MGAT4C: variants seen among roughly 807,000 people sequenced by gnomAD.
MGAT4C encodes alpha-1,3-mannosyl-glycoprotein 4-beta-N-acetylglucosaminyltransferase C.
In MGAT4C, 19 loss-of-function variants were observed where a neutral mutation model predicts 40.1. That is an observed-to-expected ratio of 0.47 (90% CI 0.33 to 0.70). The LOEUF (loss-of-function observed/expected upper bound fraction) is 0.70, where lower values mean the gene tolerates loss of function less well. MGAT4C is among the 30% of genes least tolerant of loss of function. The pLI, the probability that MGAT4C is intolerant of heterozygous loss-of-function variation, is 0.02. For missense variants in MGAT4C, 491 were observed against 563.2 expected (o/e 0.87, Z 1.30); for synonymous variants, 181 against 187.1 (o/e 0.97, Z 0.27).
chr12:86,020,570 T>C (rs1191021604), intron 2 of MGAT4C, among the ~76,000 whole-genome samples: 1 of 152,184 alleles, frequency 6.6e-6, no homozygotes, highest in African/African-American at 2.4e-5. Context: ...CCTTACACTT[T>C]ACACAAACAT....
chr12:86,765,741 C>A (rs917233830), intron 1 of MGAT4C, among the ~76,000 whole-genome samples: 1 of 152,098 alleles, frequency 6.6e-6, no homozygotes, highest in African/African-American at 2.4e-5. Context: ...AATATTCAAC[C>A]CAGAATTTCA....
intron 1 of MGAT4C, among the ~76,000 whole-genome samples, chr12:86,791,357 T>C (rs370882725): frequency 1.3e-5 from 2 of 151,986 alleles, no homozygotes; most frequent in East Asian, 1.9e-4. Context: ...CCAGATATCA[T>C]ACAGGTTTGG....
chr12:86,080,463 C>A (rs925214564), intron 1 of MGAT4C, among the ~76,000 whole-genome samples: 2 of 152,068 alleles, frequency 1.3e-5, no homozygotes, highest in Non-Finnish European at 2.9e-5. Context: ...TCAAATAGAG[C>A]ATTTAAGAAA....
At chr12:86,631,651 G>C (rs531150359) in intron 2 of MGAT4C, among the ~76,000 whole-genome samples, 2 of 152,026 alleles carry the variant, frequency 1.3e-5, no homozygotes, top group East Asian at 3.9e-4. Context: ...ACAAGAAATG[G>C]GGAAAGGATT....
In MGAT4C at chr12:86,602,650, T is replaced by C. The variant is rs914358970; in HGVS notation, c.-229+124559A>G. 4.6e-5 allele frequency among the ~76,000 whole-genome samples: 7 copies of C among 152,312 alleles called. 1 individual carries two copies. The highest frequency in any genetic ancestry group is 4.1e-4 in the South Asian group (2 of 4,828). Reference sequence around the variant, plus strand: ...AAAAGTTATTTAAACTCTGCAGGAATTACTTTTTTAAATGTTTTCTGAACC... The same window carrying C: ...AAAAGTTATTTAAACTCTGCAGGAACTACTTTTTTAAATGTTTTCTGAACC... On this transcript the variant is annotated intron_variant, in intron 2 of 7. Coordinates refer to the MGAT4C transcript ENST00000548651.
At chr12:86,507,957 T>C (rs1187688274) in intron 2 of MGAT4C, among the ~76,000 whole-genome samples, 2 of 152,144 alleles carry the variant, frequency 1.3e-5, no homozygotes, top group Non-Finnish European at 2.9e-5. Flanking sequence ...GTCATTGACA[T>C]TGTGATAGAG....
intron 3 of MGAT4C, among the ~76,000 whole-genome samples, chr12:86,419,075 A>G (rs1956775198): frequency 2.0e-5 from 3 of 152,152 alleles, no homozygotes; most frequent in Admixed American, 1.3e-4. Context: ...AATTTCATCT[A>G]TATAGTGTGT....
intron 3 of MGAT4C, among the ~76,000 whole-genome samples, chr12:86,342,223 G>T (rs986301973): frequency 6.6e-6 from 1 of 152,154 alleles, no homozygotes; most frequent in African/African-American, 2.4e-5. Flanking sequence ...GAAAATCTGA[G>T]GTGACTAGGG....
In MGAT4C at chr12:86,449,962, A is replaced by T. The variant is rs1417986388; in HGVS notation, c.-228-14697T>A. Among the ~76,000 whole-genome samples, 3 of 152,300 alleles carry T rather than the reference A, an allele frequency of 2.0e-5. No homozygotes were observed. The East Asian group carries it at 5.8e-4, about 29-fold the overall frequency. On this transcript the variant is annotated intron_variant, in intron 2 of 7. Coordinates refer to the MGAT4C transcript ENST00000548651. Reference sequence around the variant, plus strand: ...TAGATGGAAATGGTGATTATACAACATTAAGAATGTGTTGGATATCACTGA... The same window carrying T: ...TAGATGGAAATGGTGATTATACAACTTTAAGAATGTGTTGGATATCACTGA...
At chr12:86,019,729 A>C (rs889520837) in intron 2 of MGAT4C, among the ~76,000 whole-genome samples, 1 of 152,150 alleles carries the variant, frequency 6.6e-6, no homozygotes, top group African/African-American at 2.4e-5. Context: ...TCTGTGAAGA[A>C]AGTCATTAGT....
intron 2 of MGAT4C, among the ~76,000 whole-genome samples, chr12:86,622,871 G>A (rs1962683424): frequency 1.3e-5 from 2 of 151,978 alleles, no homozygotes; most frequent in Non-Finnish European, 2.9e-5. Flanking sequence ...TATTAAACCA[G>A]CTATTATTAT....
chr12:86,351,822 T>C lies in MGAT4C; in HGVS notation c.-119-17695A>G, dbSNP rs532427622. 2.0e-5 allele frequency among the ~76,000 whole-genome samples: 3 copies of C among 152,176 alleles called. No individual in the cohort carries two copies. The South Asian group carries it at 6.2e-4, about 31-fold the overall frequency. ...TACATGGAAAACGCATTTGATATAA[T>C]GCAGAAAAATTCTGTCAAGGCCATC... is the stretch of plus-strand genomic sequence containing the variant. On this transcript the variant is annotated intron_variant, in intron 3 of 7. Coordinates refer to the MGAT4C transcript ENST00000548651.
intron 2 of MGAT4C, among the ~76,000 whole-genome samples, chr12:86,482,321 G>A (rs1355925671): frequency 1.3e-5 from 2 of 152,030 alleles, no homozygotes; most frequent in East Asian, 3.8e-4. Flanking sequence ...TCACATTTTA[G>A]TAAAGTTACT....
intron 2 of MGAT4C, among the ~76,000 whole-genome samples, chr12:86,631,978 A>G (rs1304837315): frequency 6.6e-6 from 1 of 152,082 alleles, no homozygotes; most frequent in Non-Finnish European, 1.5e-5. Context: ...AACCTACAGA[A>G]TGGGAGAAAA....
chr12:86,086,893 G>T (rs1871950158), intron 1 of MGAT4C, among the ~76,000 whole-genome samples: 1 of 151,508 alleles, frequency 6.6e-6, no homozygotes, highest in Admixed American at 6.6e-5. Flanking sequence ...TTTTCTTTTA[G>T]CTCCCACATA....
At chr12:86,714,008 G>A (rs894980110) in intron 2 of MGAT4C, among the ~76,000 whole-genome samples, 2 of 152,096 alleles carry the variant, frequency 1.3e-5, no homozygotes, top group Admixed American at 6.6e-5. Context: ...GAGTCCTCAC[G>A]AGCATTGCAG....
At chr12:86,316,729 A>G (rs1399517277) in intron 4 of MGAT4C, among the ~76,000 whole-genome samples, 2 of 152,152 alleles carry the variant, frequency 1.3e-5, no homozygotes, top group African/African-American at 4.8e-5. Context: ...ATGAAGAAAT[A>G]GGGGAAGGGT....
At chr12:86,588,649 GAAGTAAAGCTCTCC>G in intron 2 of MGAT4C, among the ~76,000 whole-genome samples, 1 of 152,088 alleles carries the variant, frequency 6.6e-6, no homozygotes, top group African/African-American at 2.4e-5. Context: ...CACATACTTG[GAAGTAAAGCTCTCC>G]TCAGTAAATG....
chr12:86,157,048 C>T (rs1885030474), intron 1 of MGAT4C, among the ~76,000 whole-genome samples: 1 of 151,972 alleles, frequency 6.6e-6, no homozygotes. Context: ...CCCTAAAGAG[C>T]CACTTCAAAA....
Sources: allele counts gnomAD v4.1 joint callset (sites outside exome capture counted in the v4.1 genomes callset), GRCh38; gene constraint gnomAD v4.1.1; transcripts MANE v1.5; gene names NCBI Gene and HGNC (gene_info 2026-07-23, HGNC 2026-07-21).